The following IL1RAPL2 variants were observed in gnomAD, a reference collection of about 807,000 sequenced individuals.
IL1RAPL2 encodes the protein X-linked interleukin-1 receptor accessory protein-like 2.
In IL1RAPL2, 3 loss-of-function variants were observed where a neutral mutation model predicts 44.1. The observed-to-expected ratio is 0.07, with a 90% confidence interval of 0.03 to 0.18. IL1RAPL2 has a LOEUF of 0.18. IL1RAPL2 is among the 10% of genes least tolerant of loss of function. The pLI is 1.00. For synonymous variants in IL1RAPL2, 181 were observed against 178.8 expected (o/e 1.01, Z -0.10); for missense variants, 391 against 496.4 (o/e 0.79, Z 2.02).
chrX:105,701,488 C>A (rs2038118889), intron 6 of IL1RAPL2, among the ~76,000 whole-genome samples: 1 of 111,099 alleles, frequency 9.0e-6, no homozygotes, highest in African/African-American at 3.3e-5. Context: ...CTCTTACCAG[C>A]TTCTCAGTTG....
chrX:105,573,029 G>T (rs182746268), intron 6 of IL1RAPL2, among the ~76,000 whole-genome samples: 8 of 110,790 alleles, frequency 7.2e-5, no homozygotes, highest in African/African-American at 2.3e-4. Context: ...AGAGTAGTGA[G>T]AAACCATGGA....
intron 6 of IL1RAPL2, among the ~76,000 whole-genome samples, chrX:105,522,084 G>A (rs898783464): frequency 8.9e-6 from 1 of 111,818 alleles, no homozygotes; most frequent in Admixed American, 9.5e-5. Flanking sequence ...GGTACACGTT[G>A]AGCCATCAGT....
At chrX:105,255,762 C>T (rs987153030) in intron 4 of IL1RAPL2, among the ~76,000 whole-genome samples, 1 of 111,719 alleles carries the variant, frequency 9.0e-6, no homozygotes, top group Admixed American at 9.5e-5. Context: ...CCAGCTTTTT[C>T]CCATTCAGTA....
At chrX:104,724,582 G>A (rs5917130) in intron 2 of IL1RAPL2, among the ~76,000 whole-genome samples, 40,977 of 110,149 alleles carry the variant, frequency 0.37, 5,895 homozygotes, top group East Asian at 0.47. Flanking sequence ...AGCATATTAC[G>A]TAAACAAAAG....
At chrX:105,510,918 G>C (rs2036465142) in intron 6 of IL1RAPL2, among the ~76,000 whole-genome samples, 1 of 112,017 alleles carries the variant, frequency 8.9e-6, no homozygotes, top group African/African-American at 3.2e-5. Context: ...CACAAACTTT[G>C]TGATAACTTG....
chrX:104,595,603 G>A (rs1337946264), intron 1 of IL1RAPL2, among the ~76,000 whole-genome samples: 1 of 111,714 alleles, frequency 9.0e-6, no homozygotes, highest in Non-Finnish European at 1.9e-5. Flanking sequence ...TTCCCAAAGT[G>A]ACTAGGATTA....
chrX:105,434,989 T>C (rs763620778), intron 5 of IL1RAPL2, among the ~76,000 whole-genome samples: 5 of 111,769 alleles, frequency 4.5e-5, no homozygotes, highest in Non-Finnish European at 9.4e-5. Flanking sequence ...CATTGCTTAT[T>C]TTTGTCAGGT....
chrX:105,542,403 C>T (rs2147798330), intron 6 of IL1RAPL2, among the ~76,000 whole-genome samples: 1 of 111,967 alleles, frequency 8.9e-6, no homozygotes, highest in East Asian at 2.8e-4. Flanking sequence ...AGTTATCTCT[C>T]TTCAAAGAAC....
intron 5 of IL1RAPL2, among the ~76,000 whole-genome samples, chrX:105,443,167 A>G (rs1391995591): frequency 8.9e-6 from 1 of 112,061 alleles, no homozygotes; most frequent in Non-Finnish European, 1.9e-5. Flanking sequence ...CATTGGATTG[A>G]TAATTTAAGT....
intron 2 of IL1RAPL2, among the ~76,000 whole-genome samples, chrX:105,087,959 G>A (rs1268733572): frequency 8.9e-6 from 1 of 112,144 alleles, no homozygotes; most frequent in South Asian, 3.7e-4. Context: ...GCCATAGTTC[G>A]ATTAGAGTAA....
chrX:105,079,918 T>C (rs1357073337), intron 2 of IL1RAPL2, among the ~76,000 whole-genome samples: 1 of 112,036 alleles, frequency 8.9e-6, no homozygotes, highest in Non-Finnish European at 1.9e-5. Context: ...TGGTATCTCA[T>C]TGTGGTTTGG....
intron 1 of IL1RAPL2, among the ~76,000 whole-genome samples, chrX:104,625,239 T>C (rs982005908): frequency 1.8e-5 from 2 of 111,384 alleles, no homozygotes; most frequent in African/African-American, 6.5e-5. Context: ...CACCAAATTA[T>C]TTCTTACTTA....
At chrX:105,166,415 G>A (rs201442952) in intron 2 of IL1RAPL2, among the ~76,000 whole-genome samples, 4 of 111,847 alleles carry the variant, frequency 3.6e-5, no homozygotes, top group Non-Finnish European at 3.8e-5. Context: ...CCCACCAAGC[G>A]CCATTTAGCT....
intron 2 of IL1RAPL2, among the ~76,000 whole-genome samples, chrX:105,171,804 C>G (rs1445823057): frequency 9.0e-6 from 1 of 111,398 alleles, no homozygotes; most frequent in Non-Finnish European, 1.9e-5. Flanking sequence ...GCCCGCTTAC[C>G]TGCTTATGTC....
At chrX:105,425,821 T>TAA (rs111404739) in intron 5 of IL1RAPL2, among the ~76,000 whole-genome samples, 1 of 108,498 alleles carries the variant, frequency 9.2e-6, no homozygotes, top group African/African-American at 3.5e-5. Flanking sequence ...TAGTTTATTT[T>TAA]AAAAAAATGC....
intron 2 of IL1RAPL2, among the ~76,000 whole-genome samples, chrX:104,848,430 T>G (rs1406453023): frequency 1.0e-5 from 1 of 95,259 alleles, no homozygotes; most frequent in East Asian, 3.2e-4. Context: ...TATATATATA[T>G]ATATATATAT....
In IL1RAPL2 at chrX:105,755,279, C is replaced by A; in HGVS notation, c.1295C>A (p.Pro432Gln). 4.2e-6 allele frequency: 5 copies of A among 1,202,738 alleles called. No individual in the cohort carries two copies. The highest frequency in any genetic ancestry group is 1.7e-5 in the African/African-American group (1 of 57,648). Residue 432 changes from proline to glutamine, a missense_variant, in exon 10 of 11, where the codon CCA becomes CAA. Transcript: ENST00000372582. ...GAGCAGTTTGCTCTTGAAGTACTGC[C>A]AGATGTCCTGGAAAAACACTATGGA... ...EEEQFALEVL[P>Q]DVLEKHYGYK... is the part of the protein sequence containing the mutation.
At chrX:104,905,944 T>C (rs1376374383) in intron 2 of IL1RAPL2, among the ~76,000 whole-genome samples, 1 of 110,070 alleles carries the variant, frequency 9.1e-6, no homozygotes, top group East Asian at 2.9e-4. Flanking sequence ...GAACATGGAA[T>C]ATTCTTCCAT....
chrX:104,664,527 A>G (rs1930456858), intron 2 of IL1RAPL2, among the ~76,000 whole-genome samples: 1 of 111,275 alleles, frequency 9.0e-6, no homozygotes, highest in South Asian at 3.8e-4. Flanking sequence ...TCACAGCTTA[A>G]CACTTCCTGA....
Sources: allele counts gnomAD v4.1 joint callset (sites outside exome capture counted in the v4.1 genomes callset), GRCh38; gene constraint gnomAD v4.1.1; transcripts MANE v1.5; gene names NCBI Gene and HGNC (gene_info 2026-07-23, HGNC 2026-07-21).